Variants in POLK observed in about 807,000 individuals in gnomAD.
The protein encoded by POLK is DNA polymerase kappa.
A neutral mutation model predicts 94.0 loss-of-function variants in POLK; 76 were observed. That is an observed-to-expected ratio of 0.81 (90% CI 0.67 to 0.98). The LOEUF is 0.98. Ranked by LOEUF, POLK falls within the 50% of genes least tolerant of loss-of-function variation. The pLI is 0.00. For missense variants in POLK, 954 were observed against 1,010.1 expected, an observed-to-expected ratio of 0.94 and a Z score of 0.75; for synonymous variants, 349 against 325.4, an observed-to-expected ratio of 1.07 and a Z score of -0.78.
chr5:75,567,786 T>C (rs1771352751), intron 3 of POLK, among the ~76,000 whole-genome samples: 2 of 152,166 alleles, frequency 1.3e-5, no homozygotes, highest in Non-Finnish European at 2.9e-5. Context: ...TGAAGGCTTG[T>C]GACAGAGCTT....
exon 12 of POLK, chr5:75,593,979 C>T: frequency 6.2e-7 from 1 of 1,610,886 alleles, no homozygotes; most frequent in Non-Finnish European, 8.5e-7. Context: ...AAATATTTGC[C>T]ATTGCTAAGG....
intron 14 of POLK, 39 bp from the exon 15 acceptor site, chr5:75,597,895 T>C (rs763399999): frequency 8.4e-7 from 1 of 1,195,964 alleles, no homozygotes; most frequent in Non-Finnish European, 1.2e-6. Context: ...TTCTAGAATC[T>C]CTTCCTGCAT....
At chr5:75,524,853 C>A (rs1175791667) in intron 1 of POLK, among the ~76,000 whole-genome samples, 1 of 152,100 alleles carries the variant, frequency 6.6e-6, no homozygotes, top group East Asian at 1.9e-4. Flanking sequence ...AGGGAAGGCA[C>A]CCAAGAAAAG....
At chr5:75,602,418 A>C (rs1441135261), downstream of POLK, among the ~76,000 whole-genome samples, 1 of 152,204 alleles carries the variant, frequency 6.6e-6, no homozygotes, top group Admixed American at 6.5e-5. Flanking sequence ...CCACGAGCTC[A>C]GGTCATTTCC....
chr5:75,566,815 C>G (rs990273053), intron 3 of POLK, among the ~76,000 whole-genome samples: 1 of 152,130 alleles, frequency 6.6e-6, no homozygotes, highest in Admixed American at 6.5e-5. Context: ...CGGGAATCCC[C>G]GAAGCCGTTA....
At chr5:75,540,231 CA>C (rs1016413066) in intron 1 of POLK, among the ~76,000 whole-genome samples, 2 of 151,442 alleles carry the variant, frequency 1.3e-5, no homozygotes, top group Non-Finnish European at 2.9e-5. Context: ...CACAGTATCT[CA>C]ATTTCTTATT....
At chr5:75,560,114 G>T (rs1156765148) in intron 3 of POLK, among the ~76,000 whole-genome samples, 2 of 152,266 alleles carry the variant, frequency 1.3e-5, no homozygotes, top group Non-Finnish European at 2.9e-5. Flanking sequence ...TCAGTGTTTA[G>T]TGCTAACATT....
intron 3 of POLK, among the ~76,000 whole-genome samples, chr5:75,559,227 G>A (rs908841626): frequency 2.0e-5 from 3 of 152,122 alleles, no homozygotes; most frequent in African/African-American, 4.8e-5. Context: ...ATTTTATTAT[G>A]TGTGATATGA....
chr5:75,535,564 T>A (rs1450508093), intron 1 of POLK, among the ~76,000 whole-genome samples: 2 of 152,206 alleles, frequency 1.3e-5, no homozygotes, highest in African/African-American at 2.4e-5. Context: ...TTACTTTCTC[T>A]CTCTCTCTTT....
chr5:75,522,921 A>G (rs1768655749), intron 1 of POLK, among the ~76,000 whole-genome samples: 1 of 152,156 alleles, frequency 6.6e-6, no homozygotes, highest in South Asian at 2.1e-4. Flanking sequence ...TAAAATATTA[A>G]TGTTTACAAA....
In POLK at chr5:75,517,224, T is replaced by C. The variant is rs143561325; in HGVS notation, c.-14+5310T>C. On this transcript the variant is annotated intron_variant, in intron 1 of 14. Transcript: ENST00000241436. Reference sequence around the variant, plus strand: ...ATAGAGATTGCATTGAATCTGAAAATTGTTTTGGGTAGTATTGTCGTTTTA... The same window carrying C: ...ATAGAGATTGCATTGAATCTGAAAACTGTTTTGGGTAGTATTGTCGTTTTA... 1.3e-3 allele frequency among the ~76,000 whole-genome samples: 202 copies of C among 152,312 alleles called. 2 individuals carry two copies. Among genetic ancestry groups the C allele is most frequent in the African/African-American group, 4.6e-3 (193 of 41,576 alleles).
At chr5:75,519,947 T>C (rs1215819690) in intron 1 of POLK, among the ~76,000 whole-genome samples, 1 of 152,234 alleles carries the variant, frequency 6.6e-6, no homozygotes, top group Non-Finnish European at 1.5e-5. Context: ...TTTGTACTCC[T>C]CTCTTTTCCT....
intron 4 of POLK, among the ~76,000 whole-genome samples, chr5:75,572,719 G>T (rs1771657767): frequency 6.6e-6 from 1 of 152,090 alleles, no homozygotes; most frequent in South Asian, 2.1e-4. Context: ...ATGGGAGAGG[G>T]TCATGGTATC....
chr5:75,576,990 A>G, intron 6 of POLK, 57 bp downstream of exon 6: 1 of 1,055,488 alleles, frequency 9.5e-7, no homozygotes, highest in South Asian at 2.0e-5. Flanking sequence ...AAAACCCACA[A>G]CTCTTTGAAT....
At chr5:75,537,443 C>G (rs1029161677) in intron 1 of POLK, among the ~76,000 whole-genome samples, 1 of 152,222 alleles carries the variant, frequency 6.6e-6, no homozygotes, top group African/African-American at 2.4e-5. Context: ...ACCTTCATTC[C>G]TCCGTGCTCT....
At chr5:75,560,823 C>T (rs542506045) in intron 3 of POLK, among the ~76,000 whole-genome samples, 2 of 152,270 alleles carry the variant, frequency 1.3e-5, no homozygotes, top group South Asian at 4.2e-4. Context: ...CCAGCTTCAT[C>T]CATGTCCCTG....
chr5:75,525,650 A>G (rs1768803588), intron 1 of POLK, among the ~76,000 whole-genome samples: 1 of 152,236 alleles, frequency 6.6e-6, no homozygotes, highest in Non-Finnish European at 1.5e-5. Flanking sequence ...ACTTTCTCAA[A>G]ATAGGAAAAC....
intron 2 of POLK, among the ~76,000 whole-genome samples, 167 bp downstream of exon 2, chr5:75,547,324 C>T (rs934279517): frequency 6.6e-6 from 1 of 152,068 alleles, no homozygotes; most frequent in East Asian, 1.9e-4. Flanking sequence ...TTCTGTTGCT[C>T]CTACCATCCA....
intron 3 of POLK, among the ~76,000 whole-genome samples, chr5:75,559,671 G>GGGGACT (rs1315007435): frequency 8.6e-5 from 13 of 151,376 alleles, no homozygotes; most frequent in Admixed American, 5.9e-4. Context: ...CAAGTAGTGG[G>GGGGACT]GGGACTATAG....
Sources: allele counts gnomAD v4.1 joint callset (sites outside exome capture counted in the v4.1 genomes callset), GRCh38; gene constraint gnomAD v4.1.1; transcripts MANE v1.5; gene names NCBI Gene and HGNC (gene_info 2026-07-23, HGNC 2026-07-21).